Variants in SLC35F3 observed in about 807,000 individuals in gnomAD.
SLC35F3 encodes the protein putative thiamine transporter SLC35F3.
SLC35F3 carries 25 observed loss-of-function variants against 49.9 expected under a neutral mutation model. The observed-to-expected ratio is 0.50, with a 90% CI of 0.37 to 0.70. The LOEUF (loss-of-function observed/expected upper bound fraction) is 0.70, where lower values mean the gene tolerates loss of function less well. Ranked by LOEUF, SLC35F3 falls within the 30% of genes least tolerant of loss-of-function variation. SLC35F3 has a pLI of 0.00. For synonymous variants in SLC35F3, 275 were observed against 265.4 expected (o/e 1.04, Z -0.35); for missense variants, 525 against 639.8 (o/e 0.82, Z 1.94).
At chr1:234,012,523 T>C (rs1326529683) in intron 2 of SLC35F3, among the ~76,000 whole-genome samples, 3 of 152,218 alleles carry the variant, frequency 2.0e-5, no homozygotes, top group Admixed American at 6.5e-5. Context: ...CCGCAGTGCA[T>C]TGTGCCCCTG....
rs189543421 is a variant in SLC35F3 at position 234,108,804 on chromosome 1, T to C, written c.284-122613T>C. Among the ~76,000 whole-genome samples, 466 of 134,720 alleles carry C rather than the reference T, an allele frequency of 3.5e-3. 5 individuals carry two copies. Among genetic ancestry groups the C allele is most frequent in the Non-Finnish European group, 5.3e-3 (341 of 64,784 alleles). 88.4% of individuals were successfully genotyped at this position (134,720 alleles called of 152,430 possible). A position where few individuals can be genotyped will look rare whatever the true frequency, so the allele number is the denominator to read the frequency against. Reference sequence around the variant, plus strand: ...TATATAAAAGATATATATATTTATATATATATAAAAGATATATATATATCT... The same window carrying C: ...TATATAAAAGATATATATATTTATACATATATAAAAGATATATATATATCT... On this transcript the variant is annotated intron_variant, in intron 2 of 7. Coordinates refer to ENST00000366618, the MANE Select transcript of SLC35F3 (RefSeq NM_173508.4).
At chr1:233,951,266 A>G (rs1019582827) in intron 2 of SLC35F3, among the ~76,000 whole-genome samples, 16 of 151,990 alleles carry the variant, frequency 1.1e-4, no homozygotes, top group Non-Finnish European at 2.2e-4. Context: ...TAGTGACATC[A>G]TAACTGTTGT....
chr1:234,307,305 G>A (rs949352321), intron 3 of SLC35F3, among the ~76,000 whole-genome samples: 1 of 152,212 alleles, frequency 6.6e-6, no homozygotes, highest in African/African-American at 2.4e-5. Context: ...GCCCCGGTTT[G>A]TTCAGAAGCA....
Position 234,214,360 on chromosome 1 carries a change from C to T in SLC35F3, c.284-17057C>T. On this transcript the variant is annotated intron_variant, in intron 2 of 7. Transcript: ENST00000366618. This position sits in a 1 kb window ranked among gnomAD's most constrained non-coding sequence, Gnocchi z 8.0. ...GAGCCCGGCGGGCAGCCGGGGAGGC[C>T]GGGACTGAGAGGGGCGAGCCGCTGG... The T allele has an allele frequency of 7.5e-7, 1 of 1,336,520 alleles. No individual in the cohort carries two copies. The allele number at this position is 1,336,520 out of a possible 1,614,324, so 82.8% of individuals were successfully genotyped here.
chr1:234,200,649 T>C (rs148587563), intron 2 of SLC35F3, among the ~76,000 whole-genome samples: 5 of 152,316 alleles, frequency 3.3e-5, no homozygotes, highest in African/African-American at 1.2e-4. Flanking sequence ...CACAATTTCC[T>C]TTCCCAAAAG....
At chr1:234,315,604 A>G (rs1299298270) in intron 4 of SLC35F3, among the ~76,000 whole-genome samples, 1 of 152,250 alleles carries the variant, frequency 6.6e-6, no homozygotes, top group Non-Finnish European at 1.5e-5. Flanking sequence ...ACATAGAAAC[A>G]TATATCCTAC....
At position 234,323,247 on chromosome 1, in the gene SLC35F3, C is replaced by A. The variant is rs567410857; in HGVS notation, c.*4C>A. 1.2e-6 allele frequency: 2 copies of A among 1,611,788 alleles called. No homozygotes were observed. Among genetic ancestry groups the A allele is most frequent in the Admixed American group, 1.7e-5 (1 of 59,600 alleles). ...CCGCCCTTCCTTCGCCCGCTAACAC[C>A]ACTCCTCTAGAACTCGGTGGTAATG... On this transcript the variant is annotated 3_prime_UTR_variant, in exon 8 of 8. Transcript: ENST00000366618. The surrounding 1 kb of genome is among the most constrained non-coding windows in gnomAD (Gnocchi z 4.5).
At chr1:234,135,489 G>T (rs757847117) in intron 2 of SLC35F3, among the ~76,000 whole-genome samples, 1 of 152,172 alleles carries the variant, frequency 6.6e-6, no homozygotes, top group African/African-American at 2.4e-5. Flanking sequence ...TTACTGATTG[G>T]CAAGAAGGAC....
chr1:233,937,072 CA>C (rs1217248297), intron 2 of SLC35F3, among the ~76,000 whole-genome samples: 1 of 152,148 alleles, frequency 6.6e-6, no homozygotes, highest in Non-Finnish European at 1.5e-5. Flanking sequence ...CTTCCACTCC[CA>C]TCTACCCCCA....
chr1:234,226,845 C>T (rs566459721), intron 2 of SLC35F3, among the ~76,000 whole-genome samples: 2 of 152,124 alleles, frequency 1.3e-5, no homozygotes, highest in Non-Finnish European at 2.9e-5. Context: ...CCTCAGGACA[C>T]TAAGACAGGG....
intron 3 of SLC35F3, among the ~76,000 whole-genome samples, chr1:234,251,528 T>G (rs186928440): frequency 6.6e-6 from 1 of 150,858 alleles, no homozygotes; most frequent in East Asian, 1.9e-4. Flanking sequence ...TAATAAAAAT[T>G]TATAGAACTG....
intron 3 of SLC35F3, among the ~76,000 whole-genome samples, chr1:234,263,006 G>C (rs987337455): frequency 6.6e-6 from 1 of 152,222 alleles, no homozygotes; most frequent in African/African-American, 2.4e-5. Context: ...AGATATGCCA[G>C]TGATCATGTG....
chr1:234,140,002 A>AATAAAATAAAAAAAAAAAT, intron 2 of SLC35F3, among the ~76,000 whole-genome samples: 12 of 105,460 alleles, frequency 1.1e-4, no homozygotes, highest in South Asian at 5.3e-4. Flanking sequence ...AATAAAATAA[A>AATAAAATAAAAAAAAAAAT]GTAAGTGACT....
intron 2 of SLC35F3, among the ~76,000 whole-genome samples, chr1:233,955,913 T>G (rs71638481): frequency 2.6e-5 from 3 of 116,956 alleles, no homozygotes; most frequent in Admixed American, 1.1e-4. Flanking sequence ...TTTGAGTTGG[T>G]GTCTCGCTCT....
At chr1:234,314,548 G>A (rs1302085813) in intron 4 of SLC35F3, among the ~76,000 whole-genome samples, 2 of 152,038 alleles carry the variant, frequency 1.3e-5, no homozygotes, top group African/African-American at 4.8e-5. Flanking sequence ...ATCACCTGAG[G>A]TCAGGAGTTT....
intron 2 of SLC35F3, among the ~76,000 whole-genome samples, chr1:234,147,030 G>A (rs779288010): frequency 6.6e-6 from 1 of 152,126 alleles, no homozygotes; most frequent in Non-Finnish European, 1.5e-5. Flanking sequence ...TTTACACCCA[G>A]TGCTGCTACT....
intron 2 of SLC35F3, among the ~76,000 whole-genome samples, chr1:233,914,140 C>G (rs527819145): frequency 1.1e-4 from 17 of 152,208 alleles, no homozygotes; most frequent in African/African-American, 4.1e-4. Flanking sequence ...CCTCCTGGGC[C>G]GTGTAGATTA....
intron 2 of SLC35F3, among the ~76,000 whole-genome samples, chr1:233,933,441 T>C (rs1226173299): frequency 6.6e-6 from 1 of 152,136 alleles, no homozygotes; most frequent in East Asian, 1.9e-4. Flanking sequence ...CTTGAACTCC[T>C]GGACTGAAGC....
intron 2 of SLC35F3, among the ~76,000 whole-genome samples, chr1:233,964,468 G>C (rs1216776729): frequency 1.3e-5 from 2 of 152,226 alleles, no homozygotes; most frequent in South Asian, 2.1e-4. Context: ...ACCTCACCAT[G>C]AGGGAGGCAG....
Sources: allele counts gnomAD v4.1 joint callset (sites outside exome capture counted in the v4.1 genomes callset), GRCh38; gene constraint gnomAD v4.1.1; non-coding constraint Gnocchi (gnomAD v3.1); transcripts MANE v1.5; gene names NCBI Gene and HGNC (gene_info 2026-07-23, HGNC 2026-07-21).